The following NME9 variants were observed in gnomAD, a reference collection of about 807,000 sequenced individuals.
NME9 encodes NME/NM23 family member 9, also known as thioredoxin domain-containing protein 6.
A neutral mutation model predicts 44.4 loss-of-function variants in NME9; 48 were observed. The observed-to-expected ratio is 1.08, with a 90% confidence interval of 0.86 to 1.37. The LOEUF (loss-of-function observed/expected upper bound fraction) is 1.37. NME9 is among the 40% of genes most tolerant of loss of function. The pLI is 0.00. For missense variants in NME9, 325 were observed against 405.2 expected, an observed-to-expected ratio of 0.80 and a Z score of 1.70; for synonymous variants, 139 against 147.1, an observed-to-expected ratio of 0.94 and a Z score of 0.40.
intron 8 of NME9, chr3:138,290,762 C>A: frequency 1.5e-6 from 1 of 687,034 alleles, no homozygotes; most frequent in Non-Finnish European, 2.4e-6. Flanking sequence ...AGATTTTCTT[C>A]ATAATTTTCT....
At chr3:138,329,258 C>T (rs1247645049) in intron 1 of NME9, 45 bp downstream of exon 1, 1 of 1,510,156 alleles carries the variant, frequency 6.6e-7, no homozygotes. Flanking sequence ...CTCCTCTTCC[C>T]CGAGCCCAAC....
chr3:138,328,523 TGTAGCCTTG>T (rs2053933696), intron 1 of NME9, among the ~76,000 whole-genome samples: 1 of 152,194 alleles, frequency 6.6e-6, no homozygotes, highest in South Asian at 2.1e-4. Flanking sequence ...TAGGAGGCGC[TGTAGCCTTG>T]GTATGCATCT....
At chr3:138,291,158 G>A (rs2050907533) in intron 8 of NME9, among the ~76,000 whole-genome samples, 1 of 152,186 alleles carries the variant, frequency 6.6e-6, no homozygotes, top group African/African-American at 2.4e-5. Context: ...TCCTAGCTGT[G>A]TGTTCTCCCT....
At chr3:138,299,812 C>T (rs1375272118), downstream of NME9, among the ~76,000 whole-genome samples, 4 of 152,204 alleles carry the variant, frequency 2.6e-5, no homozygotes, top group African/African-American at 4.8e-5. Context: ...CCCTCTCTCC[C>T]CTGCTTTGGG....
At position 138,294,038 on chromosome 3, in the gene NME9, G is replaced by A. The variant is rs538437185; in HGVS notation, c.745+9469C>T. On this transcript the variant is annotated intron_variant, in intron 8 of 8. Coordinates refer to the NME9 transcript ENST00000317876. ...TAAAAAGACTCCTTAGATAATGACAGTAGAAAGACAATAAAGGTACAGTCT... is the reference window on the plus strand; with the variant it reads ...TAAAAAGACTCCTTAGATAATGACAATAGAAAGACAATAAAGGTACAGTCT... Among the ~76,000 whole-genome samples, 29 of 152,252 alleles carry A rather than the reference G, an allele frequency of 1.9e-4. 1 individual carries two copies. The South Asian group carries it at 5.6e-3, about 29-fold the overall frequency.
intron 8 of NME9, chr3:138,263,772 G>A: frequency 6.2e-7 from 1 of 1,614,036 alleles, no homozygotes; most frequent in African/African-American, 1.3e-5. Context: ...GGACCGAATT[G>A]TGACTGGCTT....
At chr3:138,300,373 CT>C (rs2051777234), downstream of NME9, among the ~76,000 whole-genome samples, 1 of 152,210 alleles carries the variant, frequency 6.6e-6, no homozygotes, top group Admixed American at 6.5e-5. Context: ...AAAATGTCCT[CT>C]GGGAGCTAAC....
intron 8 of NME9, among the ~76,000 whole-genome samples, chr3:138,294,402 T>TG (rs1181285752): frequency 2.6e-5 from 4 of 152,202 alleles, no homozygotes; most frequent in Non-Finnish European, 4.4e-5. Context: ...GGATGGTCTG[T>TG]GGCATCATTC....
chr3:138,329,586 G>A lies in NME9; in HGVS notation c.-251C>T. The A allele has an allele frequency of 7.6e-7, 1 of 1,315,938 alleles. No individual in the cohort carries two copies. Among genetic ancestry groups the A allele is most frequent in the Non-Finnish European group, 9.7e-7 (1 of 1,034,972 alleles). 81.5% of individuals were successfully genotyped at this position (1,315,938 alleles called of 1,614,324 possible). ...GTGGCTCGCCGGGCGGTTTTCTGGG[G>A]ATCTGCGAAGCCCCCTCCCCACCCC... On this transcript the variant is annotated 5_prime_UTR_variant, in exon 1 of 11. Transcript: ENST00000333911.
intron 8 of NME9, chr3:138,287,577 T>C (rs1356343947): frequency 1.5e-5 from 7 of 455,078 alleles, no homozygotes; most frequent in Non-Finnish European, 2.7e-5. Context: ...TCAACAAATA[T>C]TGATTGATTG....
chr3:138,263,672 C>A, intron 8 of NME9: 1 of 1,285,210 alleles, frequency 7.8e-7, no homozygotes, highest in Non-Finnish European at 1.1e-6. Context: ...AACATACTTG[C>A]ATTTACAAGC....
intron 8 of NME9, among the ~76,000 whole-genome samples, chr3:138,276,343 T>C (rs2049290421): frequency 6.6e-6 from 1 of 152,228 alleles, no homozygotes; most frequent in African/African-American, 2.4e-5. Flanking sequence ...TGCATCCACC[T>C]ATGAAACTGT....
intron 8 of NME9, among the ~76,000 whole-genome samples, chr3:138,291,768 C>T (rs937116324): frequency 6.6e-6 from 1 of 152,148 alleles, no homozygotes; most frequent in African/African-American, 2.4e-5. Flanking sequence ...AAGAGTATTA[C>T]AGACAGGGGT....
At chr3:138,275,990 T>C (rs2049255254) in intron 8 of NME9, among the ~76,000 whole-genome samples, 1 of 152,176 alleles carries the variant, frequency 6.6e-6, no homozygotes, top group Admixed American at 6.5e-5. Flanking sequence ...CATTGTACTT[T>C]GAGAGGATAG....
chr3:138,272,459 G>A (rs2048884445), intron 8 of NME9, among the ~76,000 whole-genome samples: 1 of 151,684 alleles, frequency 6.6e-6, no homozygotes, highest in Non-Finnish European at 1.5e-5. Flanking sequence ...TCATGTAGAA[G>A]TATATCTAAG....
At chr3:138,274,362 A>C (rs1276549567) in intron 8 of NME9, 4 of 824,846 alleles carry the variant, frequency 4.8e-6, no homozygotes, top group Non-Finnish European at 6.0e-6. Context: ...GCAGTTGTGA[A>C]TCATATTGTT....
intron 8 of NME9, chr3:138,295,800 G>A: frequency 1.9e-6 from 3 of 1,582,498 alleles, no homozygotes; most frequent in Non-Finnish European, 2.6e-6. Context: ...TGAACCATAG[G>A]GTTTTTTACC....
chr3:138,305,943 G>A (rs1283032903), intron 8 of NME9, 61 bp downstream of exon 8: 3 of 1,086,792 alleles, frequency 2.8e-6, no homozygotes, highest in Non-Finnish European at 2.9e-6. Context: ...CAATCTATAA[G>A]CATAATGTTG....
intron 6 of NME9, among the ~76,000 whole-genome samples, chr3:138,313,560 C>T (rs1483231740): frequency 2.0e-5 from 3 of 152,096 alleles, no homozygotes. Flanking sequence ...CCAACAATCC[C>T]ACTACTATGT....
Sources: gnomAD v4.1 joint callset for allele counts (sites outside exome capture counted in the v4.1 genomes callset) on GRCh38, gnomAD v4.1.1 for gene constraint, MANE v1.5 for transcripts, NCBI Gene and HGNC (gene_info 2026-07-23, HGNC 2026-07-21) for gene names.